Variants in CSMD2 observed in about 807,000 individuals in gnomAD.
The protein encoded by CSMD2 is CUB and sushi domain-containing protein 2.
Under a neutral mutation model 398.5 loss-of-function variants are expected in CSMD2, and 130 were observed. The observed-to-expected ratio is 0.33, with a 90% CI of 0.28 to 0.38. The LOEUF is 0.38. CSMD2 is among the 10% of genes least tolerant of loss of function. CSMD2 has a pLI of 1.00. For missense variants in CSMD2, 3,829 were observed against 4,764.9 expected, an observed-to-expected ratio of 0.80 and a Z score of 5.78; for synonymous variants, 1,828 against 1,908.5, an observed-to-expected ratio of 0.96 and a Z score of 1.10.
intron 6 of CSMD2, among the ~76,000 whole-genome samples, chr1:33,831,030 T>A (rs1298825660): frequency 6.6e-6 from 1 of 152,122 alleles, no homozygotes; most frequent in African/African-American, 2.4e-5. Context: ...CAAATCTACG[T>A]CTGATTGGTG....
upstream of CSMD2, chr1:34,165,235 C>T (rs568820082): frequency 5.1e-6 from 6 of 1,177,544 alleles, no homozygotes; most frequent in African/African-American, 6.4e-5. Flanking sequence ...TGGAATGAAC[C>T]AAGTGTCCGC....
In CSMD2 at chr1:33,953,040, C is replaced by T. The variant is rs74069872; in HGVS notation, c.518-17086G>A. ...AAGTCTAGCTCCACCAAAATTCCAT[C>T]TTCCCTTCTTGGGGCACACAGCTAG... On this transcript the variant is annotated intron_variant, in intron 3 of 70. Transcript: ENST00000373381. Among the ~76,000 whole-genome samples the T allele has an allele frequency of 5.2e-3, 797 of 152,342 alleles. 14 individuals are homozygous for T. Among genetic ancestry groups the T allele is most frequent in the African/African-American group, 0.018 (749 of 41,574 alleles).
intron 57 of CSMD2, among the ~76,000 whole-genome samples, 187 bp downstream of exon 57, chr1:33,545,850 T>C (rs540911135): frequency 2.0e-5 from 3 of 152,318 alleles, no homozygotes; most frequent in South Asian, 4.1e-4. Flanking sequence ...AGTGGGAATA[T>C]GTTTGTCTTT....
chr1:33,850,471 A>G (rs763283153), intron 5 of CSMD2, among the ~76,000 whole-genome samples: 1 of 151,974 alleles, frequency 6.6e-6, no homozygotes, highest in Non-Finnish European at 1.5e-5. Flanking sequence ...ACTGCATTAC[A>G]CTCACATGTA....
rs531251262 is a variant in CSMD2 at position 33,572,750 on chromosome 1, A to C, written c.7577-59T>G. The C allele has an allele frequency of 2.2e-6, 3 of 1,389,334 alleles. No individual in the cohort carries two copies. The African/African-American group carries it at 4.3e-5, about 20-fold the overall frequency. The allele number at this position is 1,389,334 out of a possible 1,614,324, so 86.1% of individuals were successfully genotyped here. A position where few individuals can be genotyped will look rare whatever the true frequency, so the allele number is the denominator to read the frequency against. On this transcript the variant is annotated intron_variant, in intron 49 of 70. Coordinates refer to ENST00000373381, the MANE Select transcript of CSMD2 (RefSeq NM_001281956.2). ...TTTTAAGATGGTATTCTGAGAAACT[A>C]TTTTTATCCTTCCTCCCCTCCCAAG... is the stretch of plus-strand genomic sequence containing the variant.
intron 66 of CSMD2, among the ~76,000 whole-genome samples, 187 bp from the exon 67 acceptor site, chr1:33,523,606 T>C (rs1654505283): frequency 6.6e-6 from 1 of 152,226 alleles, no homozygotes; most frequent in Admixed American, 6.5e-5. Context: ...TGAACGTGGT[T>C]ATATGCAAGA....
At position 33,902,575 on chromosome 1, in the gene CSMD2, C is replaced by T. The variant is rs1049054561; in HGVS notation, c.920+15519G>A. ...CACCCTGCTGGTTCTAATCAGGATCCGAGTTGCATGGACTGCACTAAACCC... is the reference window on the plus strand; with the variant it reads ...CACCCTGCTGGTTCTAATCAGGATCTGAGTTGCATGGACTGCACTAAACCC... On this transcript the variant is annotated intron_variant, in intron 5 of 70. Coordinates refer to ENST00000373381, the MANE Select transcript of CSMD2 (RefSeq NM_001281956.2). 4.6e-5 allele frequency among the ~76,000 whole-genome samples: 7 copies of T among 152,132 alleles called. No individual in the cohort carries two copies. In the East Asian group the frequency reaches 5.8e-4, roughly 13 times the overall value.
chr1:34,061,339 C>T (rs1028802405), intron 2 of CSMD2, among the ~76,000 whole-genome samples: 4 of 152,212 alleles, frequency 2.6e-5, no homozygotes, highest in Non-Finnish European at 5.9e-5. Context: ...GCTCTGATGG[C>T]TGTCCATCCT....
At chr1:34,081,571 G>T (rs961257096) in intron 2 of CSMD2, among the ~76,000 whole-genome samples, 4 of 152,100 alleles carry the variant, frequency 2.6e-5, no homozygotes, top group African/African-American at 9.7e-5. Context: ...GGCGCGCGCC[G>T]CCACGCCTGA....
chr1:33,662,673 AC>A (rs765850697), intron 26 of CSMD2, among the ~76,000 whole-genome samples: 41 of 152,148 alleles, frequency 2.7e-4, no homozygotes, highest in Non-Finnish European at 5.0e-4. Flanking sequence ...CCAGATGCTT[AC>A]CTATTTGTAT....
At chr1:33,523,245 GTCC>G in intron 67 of CSMD2, 59 bp downstream of exon 67, 2 of 849,222 alleles carry the variant, frequency 2.4e-6, no homozygotes, top group South Asian at 1.5e-5. Context: ...ACACCCTTTT[GTCC>G]TCCTCTTCCC....
At chr1:34,027,860 GGGCAGACAGCCCTACAT>G (rs1649863407) in intron 3 of CSMD2, among the ~76,000 whole-genome samples, 1 of 151,674 alleles carries the variant, frequency 6.6e-6, no homozygotes, top group African/African-American at 2.4e-5. Flanking sequence ...AGCCCTACAT[GGGCAGACAGCCCTACAT>G]GGGCAGAGCA....
intron 60 of CSMD2, among the ~76,000 whole-genome samples, chr1:33,538,124 T>C (rs753903629): frequency 6.6e-6 from 1 of 152,260 alleles, no homozygotes; most frequent in Non-Finnish European, 1.5e-5. Context: ...ATAATCCTTA[T>C]ATTGGGCATT....
intron 21 of CSMD2, 151 bp downstream of exon 21, chr1:33,714,436 G>T: frequency 1.1e-6 from 1 of 878,428 alleles, no homozygotes; most frequent in Non-Finnish European, 1.8e-6. Flanking sequence ...AGGAGGTTAG[G>T]TTACCTGCCC....
chr1:33,628,465 T>C (rs1329511377), intron 32 of CSMD2, among the ~76,000 whole-genome samples: 4 of 152,014 alleles, frequency 2.6e-5, no homozygotes. Flanking sequence ...GGTCAGGAGT[T>C]TGTGACCAGC....
intron 21 of CSMD2, 49 bp downstream of exon 21, chr1:33,714,538 T>A: frequency 6.3e-7 from 1 of 1,587,212 alleles, no homozygotes; most frequent in Non-Finnish European, 8.6e-7. Flanking sequence ...TTGACTATAA[T>A]CTGTCCCACC....
intron 1 of CSMD2, among the ~76,000 whole-genome samples, chr1:34,155,420 G>A (rs897457401): frequency 1.3e-5 from 2 of 152,188 alleles, no homozygotes; most frequent in East Asian, 1.9e-4. Context: ...TACCCTGGAC[G>A]AATGTGTTAG....
At chr1:33,750,606 G>T (rs968007677) in intron 13 of CSMD2, among the ~76,000 whole-genome samples, 3 of 152,052 alleles carry the variant, frequency 2.0e-5, no homozygotes, top group African/African-American at 7.2e-5. Flanking sequence ...TTATAAAGCT[G>T]TAATAATATA....
At chr1:33,645,000 G>T (rs1367316012) in intron 29 of CSMD2, among the ~76,000 whole-genome samples, 1 of 152,134 alleles carries the variant, frequency 6.6e-6, no homozygotes, top group Admixed American at 6.5e-5. Context: ...CAAGAACTAT[G>T]AGGAGTCCAA....
Sources: gnomAD v4.1 joint callset for allele counts (sites outside exome capture counted in the v4.1 genomes callset) on GRCh38, gnomAD v4.1.1 for gene constraint, MANE v1.5 for transcripts, NCBI Gene and HGNC (gene_info 2026-07-23, HGNC 2026-07-21) for gene names.